The following SFMBT1 variants were observed in gnomAD, a reference collection of about 807,000 sequenced individuals.
SFMBT1 encodes Scm like with four mbt domains 1.
In SFMBT1, 32 loss-of-function variants were observed where a neutral mutation model predicts 108.7. That is an observed-to-expected ratio of 0.29 (90% CI 0.22 to 0.40). SFMBT1 has a LOEUF of 0.40. Among genes scored for constraint, SFMBT1 ranks in the 10% least tolerant of loss-of-function variants. SFMBT1 has a pLI of 1.00. For synonymous variants in SFMBT1, 348 were observed against 369.5 expected (o/e 0.94, Z 0.67); for missense variants, 816 against 1,059.6 (o/e 0.77, Z 3.19).
chr3:52,969,310 C>T, intron 1 of SFMBT1, 52 bp from the exon 2 acceptor site: 1 of 1,448,356 alleles, frequency 6.9e-7, no homozygotes. Context: ...AGTGTGCTCA[C>T]TCACTCATCA....
At chr3:52,950,866 C>A (rs113264976) in intron 3 of SFMBT1, among the ~76,000 whole-genome samples, 209 of 151,500 alleles carry the variant, frequency 1.4e-3, no homozygotes, top group Non-Finnish European at 2.5e-3. Context: ...ATAATCCCAG[C>A]ATTTTGGGAG....
intron 4 of SFMBT1, among the ~76,000 whole-genome samples, chr3:52,937,652 A>G (rs4444701): frequency 0.98 from 148,221 of 151,798 alleles, 72,469 homozygotes; most frequent in Middle Eastern, 1. Flanking sequence ...GCACGATCTC[A>G]GCTCACGGCA....
intron 3 of SFMBT1, among the ~76,000 whole-genome samples, chr3:52,950,750 A>G (rs1703550569): frequency 6.6e-6 from 1 of 152,156 alleles, no homozygotes. Context: ...CTGGGATTAC[A>G]GGCGTGAGCC....
At chr3:52,993,587 G>A (rs2106899988) in intron 1 of SFMBT1, among the ~76,000 whole-genome samples, 1 of 149,770 alleles carries the variant, frequency 6.7e-6, no homozygotes, top group East Asian at 2.0e-4. Flanking sequence ...CTAAGCATCT[G>A]CTACATATAA....
chr3:52,905,952 T>TAAA (rs1702053960), intron 20 of SFMBT1, among the ~76,000 whole-genome samples, 161 bp downstream of exon 20: 1 of 152,226 alleles, frequency 6.6e-6, no homozygotes, highest in Admixed American at 6.5e-5. Context: ...GTCTGATAAA[T>TAAA]AACTTTTTAT....
chr3:52,953,700 G>T (rs1386274161), intron 3 of SFMBT1, among the ~76,000 whole-genome samples: 1 of 152,086 alleles, frequency 6.6e-6, no homozygotes, highest in Non-Finnish European at 1.5e-5. Context: ...CAAAGTAAAT[G>T]TAACAAAGTA....
At chr3:52,972,129 T>C (rs1200261207) in intron 1 of SFMBT1, among the ~76,000 whole-genome samples, 1 of 152,232 alleles carries the variant, frequency 6.6e-6, no homozygotes, top group African/African-American at 2.4e-5. Flanking sequence ...GTTGGGTCAC[T>C]AGGCTTTGAA....
chr3:52,972,345 C>T (rs1694840380), intron 1 of SFMBT1, among the ~76,000 whole-genome samples: 1 of 152,130 alleles, frequency 6.6e-6, no homozygotes, highest in South Asian at 2.1e-4. Flanking sequence ...AATGAGCAAT[C>T]AGTTCATCAT....
intron 1 of SFMBT1, among the ~76,000 whole-genome samples, chr3:53,032,911 C>G (rs1399972727): frequency 6.6e-6 from 1 of 152,158 alleles, no homozygotes; most frequent in Non-Finnish European, 1.5e-5. Flanking sequence ...AGCCCTGGGC[C>G]TTAAAGGACA....
rs759248801 is a variant in SFMBT1 at position 52,928,348 on chromosome 3, A to G, written c.898-7T>C. On this transcript the variant is annotated splice_region_variant and splice_polypyrimidine_tract_variant and intron_variant, in intron 8 of 20. Coordinates refer to ENST00000394752, the MANE Select transcript of SFMBT1 (RefSeq NM_016329.4). The stretch of plus-strand genomic sequence containing the variant: ...AGTACTTCTCATCAAAAACCTATAC[A>G]TGCAATTAATAGATGAAATAGACAA... The G allele has an allele frequency of 1.9e-6, 3 of 1,612,440 alleles. No individual in the cohort carries two copies. Among genetic ancestry groups the G allele is most frequent in the African/African-American group, 1.3e-5 (1 of 74,878 alleles).
intron 4 of SFMBT1, 85 bp downstream of exon 4, chr3:52,943,268 G>C: frequency 6.4e-7 from 1 of 1,552,198 alleles, no homozygotes; most frequent in Non-Finnish European, 8.8e-7. Context: ...ATATGCTCGA[G>C]AGACTTAAAA....
intron 1 of SFMBT1, among the ~76,000 whole-genome samples, chr3:52,974,095 T>G (rs1413129879): frequency 6.6e-6 from 1 of 152,166 alleles, no homozygotes; most frequent in Non-Finnish European, 1.5e-5. Flanking sequence ...TTAAAGGGCT[T>G]AGAAAGGACA....
intron 1 of SFMBT1, among the ~76,000 whole-genome samples, chr3:53,042,406 C>CAT (rs1700086221): frequency 6.6e-6 from 1 of 152,256 alleles, no homozygotes; most frequent in Non-Finnish European, 1.5e-5. Flanking sequence ...GCAGTGCAAT[C>CAT]ATAGCTCACT....
At chr3:53,017,036 G>A (rs1167880501) in intron 1 of SFMBT1, among the ~76,000 whole-genome samples, 3 of 152,164 alleles carry the variant, frequency 2.0e-5, no homozygotes, top group African/African-American at 4.8e-5. Context: ...AAATAGGAAC[G>A]AATGAGATCC....
chr3:52,969,019 G>A, intron 2 of SFMBT1, 82 bp downstream of exon 2: 1 of 1,527,172 alleles, frequency 6.5e-7, no homozygotes, highest in Non-Finnish European at 9.0e-7. Flanking sequence ...CCAGTTCAGT[G>A]GTAGAGAAAC....
intron 8 of SFMBT1, 36 bp from the exon 9 acceptor site, chr3:52,928,377 C>G (rs745722459): frequency 3.1e-6 from 5 of 1,604,030 alleles, no homozygotes; most frequent in East Asian, 2.2e-5. Flanking sequence ...TAGACAAATG[C>G]ACACATATAT....
intron 2 of SFMBT1, among the ~76,000 whole-genome samples, chr3:52,956,503 G>A (rs543008579): frequency 7.9e-5 from 12 of 152,082 alleles, no homozygotes; most frequent in Non-Finnish European, 1.5e-4. Context: ...GCTCACGTCT[G>A]TAATCCCAGC....
chr3:52,921,257 T>G (rs891894053), intron 11 of SFMBT1, among the ~76,000 whole-genome samples: 1 of 152,186 alleles, frequency 6.6e-6, no homozygotes, highest in African/African-American at 2.4e-5. Flanking sequence ...TAGCACTGAG[T>G]ACTCACGCAG....
chr3:52,916,342 C>T (rs1559509227), intron 13 of SFMBT1, 128 bp from the exon 14 acceptor site: 2 of 604,230 alleles, frequency 3.3e-6, no homozygotes, highest in South Asian at 2.0e-5. Flanking sequence ...ACAGAAGGTA[C>T]TCCCTTGATG....
Sources: allele counts gnomAD v4.1 joint callset (sites outside exome capture counted in the v4.1 genomes callset), GRCh38; gene constraint gnomAD v4.1.1; transcripts MANE v1.5; gene names NCBI Gene and HGNC (gene_info 2026-07-23, HGNC 2026-07-21).